Variants in CERS6 observed in about 807,000 individuals in gnomAD.
The protein encoded by CERS6 is ceramide synthase 6.
Under a neutral mutation model 56.8 loss-of-function variants are expected in CERS6, and 26 were observed. That is an observed-to-expected ratio of 0.46 (90% CI 0.34 to 0.63). The LOEUF is 0.63. CERS6 is among the 30% of genes least tolerant of loss of function. The pLI is 0.01. For synonymous variants in CERS6, 164 were observed against 173.3 expected (o/e 0.95, Z 0.42); for missense variants, 415 against 467.5 (o/e 0.89, Z 1.04).
At chr2:168,642,056 G>A (rs1685065183) in intron 4 of CERS6, among the ~76,000 whole-genome samples, 1 of 152,094 alleles carries the variant, frequency 6.6e-6, no homozygotes, top group Non-Finnish European at 1.5e-5. Context: ...TTTAAAAAAT[G>A]TATGTGGAAT....
chr2:168,666,243 A>G (rs1368982824), intron 4 of CERS6, among the ~76,000 whole-genome samples: 1 of 152,200 alleles, frequency 6.6e-6, no homozygotes, highest in Non-Finnish European at 1.5e-5. Flanking sequence ...ATGTATAATG[A>G]CATGCATCCA....
At chr2:168,737,357 C>T (rs779569227) in intron 8 of CERS6, among the ~76,000 whole-genome samples, 1 of 152,210 alleles carries the variant, frequency 6.6e-6, no homozygotes, top group African/African-American at 2.4e-5. Context: ...CATAAATGTC[C>T]TTTTTCTCTA....
intron 1 of CERS6, among the ~76,000 whole-genome samples, chr2:168,528,972 G>C (rs1478013381): frequency 6.6e-6 from 1 of 152,116 alleles, no homozygotes; most frequent in Non-Finnish European, 1.5e-5. Flanking sequence ...CTTGATCTCT[G>C]TCTATATAAA....
intron 8 of CERS6, among the ~76,000 whole-genome samples, chr2:168,744,739 C>G (rs1456062119): frequency 6.6e-6 from 1 of 152,210 alleles, no homozygotes; most frequent in East Asian, 1.9e-4. Context: ...CCATAATCAT[C>G]ATGTCTCTAC....
At chr2:168,691,250 A>C (rs954747396) in intron 5 of CERS6, among the ~76,000 whole-genome samples, 166 bp downstream of exon 5, 1 of 152,170 alleles carries the variant, frequency 6.6e-6, no homozygotes, top group East Asian at 1.9e-4. Flanking sequence ...TAATTTGTGC[A>C]TTATTCTTAG....
intron 1 of CERS6, among the ~76,000 whole-genome samples, chr2:168,485,049 C>T (rs905239417): frequency 1.3e-4 from 20 of 152,120 alleles, no homozygotes; most frequent in Admixed American, 1.3e-3. Flanking sequence ...CAGCTGTTTG[C>T]CTCATAATAC....
intron 2 of CERS6, among the ~76,000 whole-genome samples, chr2:168,557,578 A>G (rs1237313425): frequency 6.6e-6 from 1 of 152,216 alleles, no homozygotes; most frequent in Non-Finnish European, 1.5e-5. Context: ...ATGAGTAGCC[A>G]TCTGGAAACA....
chr2:168,551,007 A>T (rs1257797563), intron 2 of CERS6, among the ~76,000 whole-genome samples: 1 of 152,196 alleles, frequency 6.6e-6, no homozygotes, highest in Non-Finnish European at 1.5e-5. Flanking sequence ...ACTGTGTATG[A>T]GCCAAGAATC....
chr2:168,557,744 T>C (rs184506765), intron 2 of CERS6, among the ~76,000 whole-genome samples: 115 of 152,294 alleles, frequency 7.6e-4, no homozygotes, highest in Non-Finnish European at 1.0e-3. Flanking sequence ...TAATTATGAC[T>C]TCAAATGTAG....
chr2:168,732,787 G>T (rs1683582818), intron 8 of CERS6, among the ~76,000 whole-genome samples: 1 of 152,134 alleles, frequency 6.6e-6, no homozygotes, highest in Admixed American at 6.5e-5. Flanking sequence ...GTTTGGGGAA[G>T]ATGATGAAAG....
chr2:168,500,954 A>C (rs1694569667), intron 1 of CERS6, among the ~76,000 whole-genome samples: 1 of 152,218 alleles, frequency 6.6e-6, no homozygotes, highest in Admixed American at 6.5e-5. Context: ...AATTAAAGCG[A>C]CTATAAAGTA....
intron 7 of CERS6, among the ~76,000 whole-genome samples, chr2:168,716,702 T>C (rs1007658458): frequency 1.3e-5 from 2 of 152,124 alleles, no homozygotes; most frequent in Admixed American, 6.6e-5. Context: ...AATTTCATGA[T>C]TTACCTAGCC....
intron 5 of CERS6, among the ~76,000 whole-genome samples, chr2:168,693,192 C>A (rs1326877808): frequency 6.6e-6 from 1 of 152,136 alleles, no homozygotes; most frequent in Non-Finnish European, 1.5e-5. Flanking sequence ...AGCTATGAGA[C>A]CTAGGCTTAG....
At chr2:168,686,575 A>G (rs1195929982) in intron 4 of CERS6, among the ~76,000 whole-genome samples, 1 of 151,990 alleles carries the variant, frequency 6.6e-6, no homozygotes, top group Admixed American at 6.6e-5. Context: ...AGATTACAGG[A>G]TTTGGAGGTC....
rs898494492 is a variant in CERS6, at chr2:168,741,235, T to C, written c.845+23257T>C. ...AAGCAACAGTGTATCTCTGGAGCTATGATGATTAATAATAGCAGTGATAGT... is the reference window on the plus strand; with the variant it reads ...AAGCAACAGTGTATCTCTGGAGCTACGATGATTAATAATAGCAGTGATAGT... On this transcript the variant is annotated intron_variant, in intron 8 of 9. Coordinates refer to ENST00000305747, the MANE Select transcript of CERS6 (RefSeq NM_203463.3). Among the ~76,000 whole-genome samples, 8 of 152,250 alleles carry C rather than the reference T, an allele frequency of 5.3e-5. No individual in the cohort carries two copies. The East Asian group carries it at 9.6e-4, about 18-fold the overall frequency.
chr2:168,537,313 A>C (rs764339448), intron 1 of CERS6, among the ~76,000 whole-genome samples: 2 of 152,188 alleles, frequency 1.3e-5, no homozygotes, highest in African/African-American at 4.8e-5. Flanking sequence ...AAATCTTTAC[A>C]TCTGTGGCCT....
chr2:168,639,834 A>G (rs1206816700), intron 4 of CERS6, among the ~76,000 whole-genome samples: 1 of 152,058 alleles, frequency 6.6e-6, no homozygotes, highest in African/African-American at 2.4e-5. Context: ...AGGTGGGACA[A>G]ATGGCTTAGT....
At chr2:168,725,623 A>C (rs1215634565) in intron 8 of CERS6, among the ~76,000 whole-genome samples, 1 of 152,254 alleles carries the variant, frequency 6.6e-6, no homozygotes, top group East Asian at 1.9e-4. Context: ...GTCAAGATCA[A>C]ATTTTAACCA....
chr2:168,623,697 G>T (rs544108065), intron 3 of CERS6, among the ~76,000 whole-genome samples: 1 of 151,714 alleles, frequency 6.6e-6, no homozygotes, highest in African/African-American at 2.4e-5. Flanking sequence ...AAGAACTTTA[G>T]ATGTCAATCT....
Sources: allele counts gnomAD v4.1 joint callset (sites outside exome capture counted in the v4.1 genomes callset), GRCh38; gene constraint gnomAD v4.1.1; transcripts MANE v1.5; gene names NCBI Gene and HGNC (gene_info 2026-07-23, HGNC 2026-07-21).